The following MDFIC variants were observed in gnomAD, a reference collection of about 807,000 sequenced individuals.
MDFIC encodes the protein myoD family inhibitor domain-containing protein.
Under a neutral mutation model 23.2 loss-of-function variants are expected in MDFIC, and 17 were observed. The observed-to-expected ratio is 0.73, with a 90% CI of 0.50 to 1.10. The LOEUF is 1.10. Among genes scored for constraint, MDFIC ranks in the 50% least tolerant of loss-of-function variants. The probability of loss-of-function intolerance (pLI) is 0.00; values close to 1 mark genes in which losing one functional copy is unlikely to be tolerated. For missense variants in MDFIC, 356 were observed against 316.6 expected (o/e 1.12, Z -0.95); for synonymous variants, 120 against 115.2 (o/e 1.04, Z -0.27).
intron 2 of MDFIC, among the ~76,000 whole-genome samples, chr7:114,933,320 G>A (rs746416818): frequency 2.7e-4 from 41 of 149,720 alleles, no homozygotes; most frequent in Non-Finnish European, 4.1e-4. Flanking sequence ...GTGCAATGGC[G>A]TGATCTCGGC....
intron 4 of MDFIC, among the ~76,000 whole-genome samples, chr7:115,007,628 GTGTA>G (rs1257390008): frequency 3.3e-4 from 13 of 39,954 alleles, no homozygotes; most frequent in African/African-American, 8.0e-4. Flanking sequence ...GTGCGTGTGT[GTGTA>G]TATATATATA....
intron 4 of MDFIC, among the ~76,000 whole-genome samples, chr7:115,010,200 A>C (rs922130964): frequency 6.6e-6 from 1 of 152,150 alleles, no homozygotes; most frequent in African/African-American, 2.4e-5. Flanking sequence ...CTTTGCCTCA[A>C]ATAAAACCAC....
chr7:114,958,286 A>T (rs1792920792), intron 3 of MDFIC, among the ~76,000 whole-genome samples: 1 of 152,248 alleles, frequency 6.6e-6, no homozygotes, highest in African/African-American at 2.4e-5. Context: ...AGGATACCAC[A>T]TACACAGTCC....
At chr7:114,935,294 C>G (rs763483614) in intron 2 of MDFIC, among the ~76,000 whole-genome samples, 49 of 151,942 alleles carry the variant, frequency 3.2e-4, no homozygotes, top group Admixed American at 1.0e-3. Context: ...TATAAATGCT[C>G]TGTCATAGAT....
intron 4 of MDFIC, among the ~76,000 whole-genome samples, chr7:114,995,510 C>G (rs1328504615): frequency 6.6e-6 from 1 of 152,190 alleles, no homozygotes; most frequent in Non-Finnish European, 1.5e-5. Context: ...TGGTAATGTG[C>G]AGATGGGGTT....
At chr7:114,938,704 G>A (rs1472530660) in intron 2 of MDFIC, among the ~76,000 whole-genome samples, 1 of 152,172 alleles carries the variant, frequency 6.6e-6, no homozygotes, top group Non-Finnish European at 1.5e-5. Context: ...ATGTATGCCT[G>A]TTGGACATGT....
At chr7:114,996,791 A>G (rs1791342701) in intron 4 of MDFIC, among the ~76,000 whole-genome samples, 1 of 152,202 alleles carries the variant, frequency 6.6e-6, no homozygotes, top group Non-Finnish European at 1.5e-5. Flanking sequence ...GAAGCTCCCT[A>G]TATGATTCTA....
At chr7:114,944,725 A>C (rs2115775447) in intron 3 of MDFIC, among the ~76,000 whole-genome samples, 1 of 152,296 alleles carries the variant, frequency 6.6e-6, no homozygotes, top group South Asian at 2.1e-4. Context: ...CCTCTTGCTT[A>C]AGCATCTCGC....
intron 4 of MDFIC, among the ~76,000 whole-genome samples, chr7:115,002,703 C>A (rs1243039454): frequency 6.6e-6 from 1 of 152,196 alleles, no homozygotes; most frequent in Admixed American, 6.5e-5. Flanking sequence ...TGATTCTGAG[C>A]CTGTTTTTAC....
At chr7:115,005,726 T>C (rs1185660484) in intron 4 of MDFIC, among the ~76,000 whole-genome samples, 1 of 152,202 alleles carries the variant, frequency 6.6e-6, no homozygotes, top group Admixed American at 6.5e-5. Flanking sequence ...GAATTGTTTG[T>C]ACACTAAATT....
chr7:114,938,479 G>A (rs1792474412), intron 2 of MDFIC, among the ~76,000 whole-genome samples: 4 of 152,068 alleles, frequency 2.6e-5, no homozygotes, highest in Non-Finnish European at 5.9e-5. Flanking sequence ...TGCCCCTCAA[G>A]TCTGGCCATA....
At chr7:114,972,591 C>T (rs1793227428) in intron 3 of MDFIC, among the ~76,000 whole-genome samples, 1 of 151,892 alleles carries the variant, frequency 6.6e-6, no homozygotes, top group Admixed American at 6.6e-5. Flanking sequence ...ATAATTAGAC[C>T]CTGCATTGTA....
At chr7:114,930,898 G>T (rs998129906) in intron 2 of MDFIC, among the ~76,000 whole-genome samples, 1 of 152,164 alleles carries the variant, frequency 6.6e-6, no homozygotes, top group African/African-American at 2.4e-5. Context: ...TTTATTAAGA[G>T]AATACATTCT....
intron 4 of MDFIC, among the ~76,000 whole-genome samples, chr7:114,988,356 AGTTTT>A (rs570371636): frequency 6.6e-6 from 1 of 152,152 alleles, no homozygotes; most frequent in African/African-American, 2.4e-5. Flanking sequence ...AATGCACCAA[AGTTTT>A]GTTTTGTTTT....
chr7:114,961,472 G>C (rs1396430278), intron 3 of MDFIC, among the ~76,000 whole-genome samples: 1 of 152,088 alleles, frequency 6.6e-6, no homozygotes, highest in Non-Finnish European at 1.5e-5. Flanking sequence ...AGACAGAAAA[G>C]TGCTCAATCA....
At chr7:114,991,245 A>G (rs1293524014) in intron 4 of MDFIC, among the ~76,000 whole-genome samples, 1 of 152,082 alleles carries the variant, frequency 6.6e-6, no homozygotes, top group Non-Finnish European at 1.5e-5. Flanking sequence ...GATTCTGGAT[A>G]TTAGTCCTTT....
chr7:114,928,314 A>G (rs971047906), intron 2 of MDFIC, among the ~76,000 whole-genome samples: 1 of 152,196 alleles, frequency 6.6e-6, no homozygotes, highest in Non-Finnish European at 1.5e-5. Context: ...TGTGAAAAAA[A>G]AAAGGTCTAC....
chr7:115,000,992 A>C (rs937079010), intron 4 of MDFIC, among the ~76,000 whole-genome samples: 6 of 152,162 alleles, frequency 3.9e-5, no homozygotes, highest in Admixed American at 3.3e-4. Flanking sequence ...GCCCCCTTCC[A>C]AGCACAGGAC....
At chr7:115,008,731 C>T (rs1351540213) in intron 4 of MDFIC, among the ~76,000 whole-genome samples, 3 of 152,234 alleles carry the variant, frequency 2.0e-5, no homozygotes, top group Non-Finnish European at 4.4e-5. Flanking sequence ...TGTCTGGTCC[C>T]TCACAGCTGG....
Sources: allele counts gnomAD v4.1 joint callset (sites outside exome capture counted in the v4.1 genomes callset), GRCh38; gene constraint gnomAD v4.1.1; transcripts MANE v1.5; gene names NCBI Gene and HGNC (gene_info 2026-07-23, HGNC 2026-07-21).